PTPRG: variants seen among roughly 807,000 people sequenced by gnomAD.
PTPRG encodes protein tyrosine phosphatase receptor type G.
Under a neutral mutation model 165.3 loss-of-function variants are expected in PTPRG, and 102 were observed. The observed-to-expected ratio is 0.62, with a 90% CI of 0.53 to 0.73. PTPRG has a LOEUF of 0.73. PTPRG is among the 30% of genes least tolerant of loss of function. PTPRG has a pLI of 0.00. For synonymous variants in PTPRG, 675 were observed against 669.5 expected (o/e 1.01, Z -0.13); for missense variants, 1,866 against 1,861.4 (o/e 1.00, Z -0.05).
Position 61,943,489 on chromosome 3 carries a change from A to G in PTPRG, c.191-46136A>G, listed in dbSNP as rs577792149. Among the ~76,000 whole-genome samples, 70 of 152,300 alleles carry G rather than the reference A, an allele frequency of 4.6e-4. 1 individual carries two copies. The South Asian group carries it at 0.014, about 31-fold the overall frequency. On this transcript the variant is annotated intron_variant, in intron 2 of 29. Coordinates refer to ENST00000474889, the MANE Select transcript of PTPRG (RefSeq NM_002841.4). The stretch of plus-strand genomic sequence containing the variant: ...GCTACCTGGGAGGCTGAGGCAGGAG[A>G]ATCGCTTGAACCCAGGAGGCAGAGG...
Position 61,971,286 on chromosome 3 carries a change from C to T in PTPRG, c.191-18339C>T, listed in dbSNP as rs548768910. 1.8e-4 allele frequency among the ~76,000 whole-genome samples: 27 copies of T among 152,166 alleles called. 1 individual carries two copies. The highest frequency in any genetic ancestry group is 8.3e-4 in the South Asian group (4 of 4,816). ...GCCAAGGTGGGTTTGAACTCTGAAG[C>T]GAATAGAAGTAGGCTTATCATCATG... is the stretch of plus-strand genomic sequence containing the variant. On this transcript the variant is annotated intron_variant, in intron 2 of 29. Coordinates refer to ENST00000474889, the MANE Select transcript of PTPRG (RefSeq NM_002841.4).
At chr3:61,795,616 G>T (rs772951431) in intron 2 of PTPRG, among the ~76,000 whole-genome samples, 8 of 125,358 alleles carry the variant, frequency 6.4e-5, no homozygotes, top group Non-Finnish European at 1.3e-4. Flanking sequence ...CTCCAGCCTG[G>T]GTGACAGAGC....
At chr3:61,738,324 A>ATATGTATATATATATATGTG (rs1353314354) in intron 1 of PTPRG, among the ~76,000 whole-genome samples, 1 of 93,654 alleles carries the variant, frequency 1.1e-5, no homozygotes, top group African/African-American at 3.8e-5. Context: ...ATATATATAT[A>ATATGTATATATATATATGTG]TATATATATA....
intron 4 of PTPRG, among the ~76,000 whole-genome samples, chr3:62,050,774 T>C (rs1259175138): frequency 6.6e-6 from 1 of 152,200 alleles, no homozygotes; most frequent in Non-Finnish European, 1.5e-5. Context: ...GTTTTTCTAG[T>C]GAGCTCTTGT....
chr3:61,810,451 A>G (rs2035540920), intron 2 of PTPRG, among the ~76,000 whole-genome samples: 1 of 152,182 alleles, frequency 6.6e-6, no homozygotes. Flanking sequence ...ACAAGCTTAA[A>G]GGAATGATTT....
intron 1 of PTPRG, among the ~76,000 whole-genome samples, chr3:61,690,214 C>T (rs1486039446): frequency 6.6e-6 from 1 of 152,154 alleles, no homozygotes; most frequent in Non-Finnish European, 1.5e-5. Flanking sequence ...GCCTGGAATG[C>T]AGTTTGTCAC....
chr3:61,958,601 T>G (rs566068228), intron 2 of PTPRG, among the ~76,000 whole-genome samples: 16 of 152,266 alleles, frequency 1.1e-4, no homozygotes, highest in Middle Eastern at 3.4e-3. Flanking sequence ...TAGTTACAGG[T>G]TTTTTCTTTT....
At chr3:61,823,261 G>T (rs1337123755) in intron 2 of PTPRG, among the ~76,000 whole-genome samples, 1 of 152,194 alleles carries the variant, frequency 6.6e-6, no homozygotes, top group East Asian at 1.9e-4. Context: ...CACCATCTCA[G>T]CTTACTACAA....
At chr3:61,990,906 T>A (rs975070894) in intron 3 of PTPRG, among the ~76,000 whole-genome samples, 2 of 151,636 alleles carry the variant, frequency 1.3e-5, no homozygotes, top group Admixed American at 1.3e-4. Flanking sequence ...TGCCTTTTTT[T>A]TTTTTTTTTT....
intron 1 of PTPRG, among the ~76,000 whole-genome samples, chr3:61,620,983 A>G (rs1357512704): frequency 3.4e-5 from 5 of 148,694 alleles, no homozygotes; most frequent in Admixed American, 1.4e-4. Flanking sequence ...CACTGATCCC[A>G]TTGCCTTATC....
At chr3:62,155,167 G>T (rs1054500624) in intron 6 of PTPRG, among the ~76,000 whole-genome samples, 1 of 152,176 alleles carries the variant, frequency 6.6e-6, no homozygotes, top group African/African-American at 2.4e-5. Context: ...CCTATGATTT[G>T]AAGACTTTTG....
rs1376830675 is a variant in PTPRG, at chr3:61,963,487, A to G, written c.191-26138A>G. ...GAATTCAGTGTAATTTTATGCTTTT[A>G]TACTTGCGGATGCTAGAAAGAGAAA... On this transcript the variant is annotated intron_variant, in intron 2 of 29. Transcript: ENST00000474889. Among the ~76,000 whole-genome samples, 6 of 152,172 alleles carry G rather than the reference A, an allele frequency of 3.9e-5. No homozygotes were observed. In the East Asian group the frequency reaches 1.2e-3, roughly 29 times the overall value.
chr3:61,942,869 G>T (rs1045141671), intron 2 of PTPRG, among the ~76,000 whole-genome samples: 1 of 152,174 alleles, frequency 6.6e-6, no homozygotes, highest in African/African-American at 2.4e-5. Flanking sequence ...ATGATATGAA[G>T]AAATGAGTGA....
intron 1 of PTPRG, among the ~76,000 whole-genome samples, chr3:61,632,040 C>G (rs975890620): frequency 1.3e-5 from 2 of 152,164 alleles, no homozygotes; most frequent in Non-Finnish European, 2.9e-5. Context: ...TGCCGTGGCT[C>G]ACACCTATAA....
intron 5 of PTPRG, among the ~76,000 whole-genome samples, chr3:62,113,774 G>A (rs549308450): frequency 2.6e-5 from 4 of 152,274 alleles, no homozygotes; most frequent in Admixed American, 2.0e-4. Flanking sequence ...TTTGACCCTA[G>A]TAATATGTAA....
chr3:62,068,666 G>T (rs1701101436), intron 4 of PTPRG, among the ~76,000 whole-genome samples: 1 of 151,952 alleles, frequency 6.6e-6, no homozygotes, highest in African/African-American at 2.4e-5. Context: ...TTTTGGTTTG[G>T]TTTGGTTTTT....
chr3:62,100,964 A>G (rs1702271593), intron 5 of PTPRG, among the ~76,000 whole-genome samples: 3 of 152,208 alleles, frequency 2.0e-5, no homozygotes, highest in Non-Finnish European at 4.4e-5. Context: ...TTTAAAGTAT[A>G]ATTTGCAATG....
chr3:62,015,372 G>A (rs1256256739), intron 4 of PTPRG, among the ~76,000 whole-genome samples: 1 of 152,214 alleles, frequency 6.6e-6, no homozygotes, highest in Non-Finnish European at 1.5e-5. Flanking sequence ...GTGTGATGGT[G>A]TGAGGTCTTG....
At chr3:61,678,167 G>A (rs1325821989) in intron 1 of PTPRG, among the ~76,000 whole-genome samples, 1 of 152,172 alleles carries the variant, frequency 6.6e-6, no homozygotes, top group Non-Finnish European at 1.5e-5. Flanking sequence ...AGGCATGCGT[G>A]TGGCTGCCCT....
Sources: gnomAD v4.1 joint callset for allele counts (sites outside exome capture counted in the v4.1 genomes callset) on GRCh38, gnomAD v4.1.1 for gene constraint, MANE v1.5 for transcripts, NCBI Gene and HGNC (gene_info 2026-07-23, HGNC 2026-07-21) for gene names.